The following CRISPLD2 variants were observed in gnomAD, a reference collection of about 807,000 sequenced individuals.
CRISPLD2 encodes the protein cysteine-rich secretory protein LCCL domain-containing 2.
CRISPLD2 carries 47 observed loss-of-function variants against 71.1 expected under a neutral mutation model. The ratio of observed to expected loss-of-function variants is 0.66; its 90% confidence interval spans 0.52 to 0.84. CRISPLD2 has a LOEUF of 0.84. Ranked by LOEUF, CRISPLD2 falls within the 40% of genes least tolerant of loss-of-function variation. The probability of loss-of-function intolerance (pLI) is 0.00; values close to 1 mark genes in which losing one functional copy is unlikely to be tolerated. For missense variants in CRISPLD2, 830 were observed against 651.1 expected (o/e 1.27, Z -2.99); for synonymous variants, 317 against 250.1 (o/e 1.27, Z -2.52).
intron 1 of CRISPLD2, among the ~76,000 whole-genome samples, chr16:84,821,932 C>T (rs1363325672): frequency 2.0e-5 from 3 of 152,356 alleles, no homozygotes; most frequent in Middle Eastern, 3.4e-3. Context: ...GTGTGCCCAA[C>T]ATGACACAGC....
Position 84,906,875 on chromosome 16 carries a change from G to A in CRISPLD2, c.*233G>A. On this transcript the variant is annotated 3_prime_UTR_variant, in exon 15 of 15. Coordinates refer to ENST00000262424, the MANE Select transcript of CRISPLD2 (RefSeq NM_031476.4). ...TGGTGCCTGATCCTGCTGGGGCCTGGGGGTCTCCATCTGGACGTCCTCTCT... is the reference window on the plus strand; with the variant it reads ...TGGTGCCTGATCCTGCTGGGGCCTGAGGGTCTCCATCTGGACGTCCTCTCT... 3.4e-6 allele frequency: 2 copies of A among 596,264 alleles called. No homozygotes were observed. Among genetic ancestry groups the A allele is most frequent in the Non-Finnish European group, 3.0e-6 (1 of 334,056 alleles). The allele number at this position is 596,264 out of a possible 1,614,324, so 36.9% of individuals were successfully genotyped here.
rs1472180496 is a variant in CRISPLD2 at position 84,848,330 on chromosome 16, G to A, written c.360-1055G>A. On this transcript the variant is annotated intron_variant, in intron 3 of 14. Transcript: ENST00000262424. ...TTACAAGACCTCTAACTGCCTCGAC[G>A]ACCACATGGCCCTTAAAAATGGTCA... Among the ~76,000 whole-genome samples the A allele has an allele frequency of 2.6e-5, 4 of 152,114 alleles. No homozygotes were observed. In the East Asian group the frequency reaches 5.8e-4, roughly 22 times the overall value.
At chr16:84,905,707 CTTTTTT>C (rs36068463) in intron 14 of CRISPLD2, among the ~76,000 whole-genome samples, 1 of 116,126 alleles carries the variant, frequency 8.6e-6, no homozygotes, top group Non-Finnish European at 1.7e-5. Context: ...CAATAAAGCT[CTTTTTT>C]TTTTTTTTTT....
intron 14 of CRISPLD2, among the ~76,000 whole-genome samples, chr16:84,894,497 T>C (rs1323552991): frequency 6.6e-6 from 1 of 152,138 alleles, no homozygotes; most frequent in Non-Finnish European, 1.5e-5. Context: ...GCCCCTGCGC[T>C]AGGGACTGGG....
intron 8 of CRISPLD2, among the ~76,000 whole-genome samples, chr16:84,870,566 C>G (rs926167147): frequency 6.6e-6 from 1 of 152,138 alleles, no homozygotes; most frequent in African/African-American, 2.4e-5. Context: ...ATCTGCCCGC[C>G]TTGGCCTCCC....
intron 1 of CRISPLD2, among the ~76,000 whole-genome samples, chr16:84,825,174 GA>G (rs901724480): frequency 4.5e-4 from 69 of 152,152 alleles, no homozygotes; most frequent in African/African-American, 1.3e-3. Flanking sequence ...TGGGAAGGGG[GA>G]TATTCAAAGG....
Position 84,849,085 on chromosome 16 carries a change from C to T in CRISPLD2, c.360-300C>T, listed in dbSNP as rs1597456672. ...AGCCACCTGAGGAGCCTACTAGAGA[C>T]CCCAGGTGAGCTCCTCAAGGATAAT... On this transcript the variant is annotated intron_variant, in intron 3 of 14. Transcript: ENST00000262424. The T allele has an allele frequency of 1.7e-5, 5 of 291,950 alleles. No homozygotes were observed. The East Asian group carries it at 3.2e-4, about 19-fold the overall frequency. 18.1% of individuals were successfully genotyped at this position (291,950 alleles called of 1,614,324 possible).
Position 84,847,114 on chromosome 16 carries a change from T to G in CRISPLD2, c.359+1210T>G, listed in dbSNP as rs563284898. Among the ~76,000 whole-genome samples, 36 of 152,326 alleles carry G rather than the reference T, an allele frequency of 2.4e-4. 1 individual carries two copies. In the South Asian group the frequency reaches 7.5e-3, roughly 32 times the overall value. On this transcript the variant is annotated intron_variant, in intron 3 of 14. Transcript: ENST00000262424. ...TGGATTGACATCCATTTTGCCCTAATTATTGAAAAGTTGGAATGGGCTTTA... is the reference window on the plus strand; with the variant it reads ...TGGATTGACATCCATTTTGCCCTAAGTATTGAAAAGTTGGAATGGGCTTTA...
At chr16:84,895,716 C>T (rs2071699942) in intron 14 of CRISPLD2, among the ~76,000 whole-genome samples, 1 of 152,164 alleles carries the variant, frequency 6.6e-6, no homozygotes, top group African/African-American at 2.4e-5. Context: ...GCCTGCGTTG[C>T]CCACATTCTC....
At chr16:84,853,351 C>T (rs1444621995) in intron 5 of CRISPLD2, among the ~76,000 whole-genome samples, 1 of 152,156 alleles carries the variant, frequency 6.6e-6, no homozygotes, top group African/African-American at 2.4e-5. Context: ...ATCCCGAAGA[C>T]CCCCGGGGAT....
At chr16:84,850,475 T>C (rs1917055408) in intron 4 of CRISPLD2, 93 bp from the exon 5 acceptor site, 2 of 962,938 alleles carry the variant, frequency 2.1e-6, no homozygotes, top group South Asian at 2.7e-5. Flanking sequence ...CTCGTACCTC[T>C]TTAGTGCCAG....
intron 5 of CRISPLD2, among the ~76,000 whole-genome samples, chr16:84,852,605 G>A (rs1597459185): frequency 6.6e-6 from 1 of 152,172 alleles, no homozygotes; most frequent in African/African-American, 2.4e-5. Flanking sequence ...CCTGGGCTAT[G>A]CAGGACACTG....
chr16:84,821,144 A>G (rs1005875589), intron 1 of CRISPLD2, among the ~76,000 whole-genome samples: 1 of 151,842 alleles, frequency 6.6e-6, no homozygotes, highest in Non-Finnish European at 1.5e-5. Flanking sequence ...GGGCCTTTGG[A>G]CCTCTTGCCC....
intron 6 of CRISPLD2, among the ~76,000 whole-genome samples, chr16:84,858,283 T>C (rs1917294218): frequency 6.6e-6 from 1 of 152,134 alleles, no homozygotes; most frequent in Non-Finnish European, 1.5e-5. Context: ...TGGACCCCAC[T>C]CAAAACTGGC....
chr16:84,825,488 G>C (rs1038781909), intron 1 of CRISPLD2, among the ~76,000 whole-genome samples: 2 of 152,182 alleles, frequency 1.3e-5, no homozygotes, highest in African/African-American at 2.4e-5. Flanking sequence ...CAGCGCAGTG[G>C]CGTACACCTA....
At chr16:84,850,067 A>T (rs565787638) in intron 4 of CRISPLD2, among the ~76,000 whole-genome samples, 1 of 148,414 alleles carries the variant, frequency 6.7e-6, no homozygotes. Flanking sequence ...GGGCATTTTC[A>T]TTGTGTGGGA....
At chr16:84,834,199 G>A (rs1315743927) in intron 1 of CRISPLD2, among the ~76,000 whole-genome samples, 3 of 152,200 alleles carry the variant, frequency 2.0e-5, no homozygotes, top group Non-Finnish European at 2.9e-5. Context: ...AGATCACGGA[G>A]GTCAGGCGCT....
intron 14 of CRISPLD2, among the ~76,000 whole-genome samples, chr16:84,891,906 C>T (rs902430368): frequency 3.3e-5 from 5 of 152,232 alleles, no homozygotes; most frequent in Non-Finnish European, 7.3e-5. Flanking sequence ...TTGTAGGTGT[C>T]TTCCAGGCAT....
At chr16:84,877,260 C>T (rs1051150932) in intron 11 of CRISPLD2, among the ~76,000 whole-genome samples, 178 bp from the exon 12 acceptor site, 2 of 152,182 alleles carry the variant, frequency 1.3e-5, no homozygotes, top group Non-Finnish European at 2.9e-5. Context: ...GGTTTGGTCT[C>T]ATCTCTTAAG....
Sources: allele counts gnomAD v4.1 joint callset (sites outside exome capture counted in the v4.1 genomes callset), GRCh38; gene constraint gnomAD v4.1.1; transcripts MANE v1.5; gene names NCBI Gene and HGNC (gene_info 2026-07-23, HGNC 2026-07-21).